NEMP1: variants seen among roughly 807,000 people sequenced by gnomAD.
NEMP1 encodes the protein nuclear envelope integral membrane protein 1.
NEMP1 carries 29 observed loss-of-function variants against 53.7 expected under a neutral mutation model. The ratio of observed to expected loss-of-function variants is 0.54; its 90% CI spans 0.40 to 0.74. NEMP1 has a LOEUF of 0.74. Among genes scored for constraint, NEMP1 ranks in the 30% least tolerant of loss-of-function variants. NEMP1 has a pLI of 0.00. For synonymous variants in NEMP1, 193 were observed against 192.9 expected, an observed-to-expected ratio of 1.00 and a Z score of 0.00; for missense variants, 477 against 528.6, an observed-to-expected ratio of 0.90 and a Z score of 0.96.
At chr12:57,071,598 C>T (rs533343437) in intron 2 of NEMP1, among the ~76,000 whole-genome samples, 68 of 152,242 alleles carry the variant, frequency 4.5e-4, no homozygotes, top group Non-Finnish European at 7.2e-4. Context: ...AGGCTGGTCT[C>T]GAACTCCTGA....
rs1457866889 is a variant in NEMP1 at position 57,056,577 on chromosome 12, TTCC to T, written c.*3299_*3301del. 2 of 152,204 alleles carry T rather than the reference TTCC, an allele frequency of 1.3e-5. No individual in the cohort carries two copies. The highest frequency in any genetic ancestry group is 1.5e-5 in the Non-Finnish European group (1 of 68,028). The allele number at this position is 152,204 out of a possible 1,614,324, so 9.4% of individuals were successfully genotyped here. ...ATACTAGAAGGACATTTAATTTCCT[TTCC>T]TCCTCCTTCCTTTCACTACTCAATT... On this transcript the variant is annotated 3_prime_UTR_variant, in exon 9 of 9. Coordinates refer to ENST00000300128, the MANE Select transcript of NEMP1 (RefSeq NM_001130963.2).
chr12:57,074,072 A>T (rs1198291312), intron 1 of NEMP1, among the ~76,000 whole-genome samples: 1 of 151,646 alleles, frequency 6.6e-6, no homozygotes, highest in East Asian at 1.9e-4. Flanking sequence ...GGGCTCAAAC[A>T]ATCCTCCCAC....
At chr12:57,083,544 T>C (rs750470429), upstream of NEMP1, among the ~76,000 whole-genome samples, 49 of 152,368 alleles carry the variant, frequency 3.2e-4, no homozygotes, top group Middle Eastern at 3.4e-3. Flanking sequence ...TTTTGAAAGA[T>C]AGTATGGTGC....
intron 4 of NEMP1, among the ~76,000 whole-genome samples, chr12:57,066,184 G>A (rs2032066672): frequency 6.6e-6 from 1 of 152,140 alleles, no homozygotes; most frequent in South Asian, 2.1e-4. Flanking sequence ...GAACCTGGGA[G>A]GCGGAGCTTG....
Position 57,058,362 on chromosome 12 carries a change from A to G in NEMP1, c.*1517T>C, listed in dbSNP as rs1188396452. 2.0e-5 allele frequency: 3 copies of G among 152,194 alleles called. No individual in the cohort carries two copies. The highest frequency in any genetic ancestry group is 4.4e-5 in the Non-Finnish European group (3 of 68,040). The allele number at this position is 152,194 out of a possible 1,614,324, so 9.4% of individuals were successfully genotyped here. ...AAAAAATCATCTGCCTTTTTCCATCATCTTGGTGAGCCAGTAAGTCTGGTG... is the reference window on the plus strand; with the variant it reads ...AAAAAATCATCTGCCTTTTTCCATCGTCTTGGTGAGCCAGTAAGTCTGGTG... On this transcript the variant is annotated 3_prime_UTR_variant, in exon 9 of 9. Coordinates refer to ENST00000300128, the MANE Select transcript of NEMP1 (RefSeq NM_001130963.2).
At chr12:57,077,116 A>C (rs1179674761) in intron 1 of NEMP1, among the ~76,000 whole-genome samples, 1 of 152,058 alleles carries the variant, frequency 6.6e-6, no homozygotes, top group East Asian at 1.9e-4. Flanking sequence ...GCGGATCACG[A>C]GGTCAGGAGA....
At position 57,063,200 on chromosome 12, in the gene NEMP1, T is replaced by C. The variant is rs199505922; in HGVS notation, c.899A>G (p.His300Arg). 75 of 1,614,104 alleles carry C rather than the reference T, an allele frequency of 4.6e-5. No homozygotes were observed. Among genetic ancestry groups the C allele is most frequent in the Non-Finnish European group, 1.2e-5 (14 of 1,180,052 alleles). ...AATGATGATAATGGCAAGGGCAATA[T>C]GTGGTATCTGGATGCCAGAATACAT... ...CFMYSGIQIP[H>R]IALAIIIIAL... The change falls in exon 7 of 9, where the codon CAT becomes CGT. Residue 300 changes from histidine to arginine, a missense_variant. Coordinates refer to ENST00000300128, the MANE Select transcript of NEMP1 (RefSeq NM_001130963.2).
Position 57,078,742 on chromosome 12 carries a change from C to T in NEMP1, c.4G>A (p.Ala2Thr). 1 of 1,611,186 alleles carries T rather than the reference C, an allele frequency of 6.2e-7. No homozygotes were observed. The highest frequency in any genetic ancestry group is 8.5e-7 in the Non-Finnish European group (1 of 1,178,052). The change falls in exon 1 of 9, where the codon GCG becomes ACG. Residue 2 changes from alanine (A) to threonine (T), a missense_variant. By Grantham distance (58) the Ala-to-Thr change is moderately conservative. Transcript: ENST00000300128. ...GAGACCGCCACTTTCATTCCTCCCG[C>T]CATGGTTGCCTCAAGCCACCTCCTC... The part of the protein sequence containing the change: M[A>T]GGMKVAVSPA...
At chr12:57,081,984 C>T (rs1444203315), upstream of NEMP1, among the ~76,000 whole-genome samples, 3 of 149,318 alleles carry the variant, frequency 2.0e-5, no homozygotes, top group East Asian at 2.0e-4. Context: ...TTTGGGAGGC[C>T]AAGGCGGGCG....
chr12:57,078,578 C>T, intron 1 of NEMP1, 41 bp downstream of exon 1: 1 of 1,587,896 alleles, frequency 6.3e-7, no homozygotes, highest in East Asian at 2.3e-5. Context: ...AAATAACCCC[C>T]TCGGCACCTG....
intron 1 of NEMP1, among the ~76,000 whole-genome samples, chr12:57,076,963 G>A (rs542970833): frequency 6.7e-6 from 1 of 149,318 alleles, no homozygotes; most frequent in East Asian, 2.0e-4. Context: ...GGCGGGGCGG[G>A]CGGGGGGTGG....
At chr12:57,067,982 G>A (rs2032171276) in intron 4 of NEMP1, among the ~76,000 whole-genome samples, 2 of 152,008 alleles carry the variant, frequency 1.3e-5, no homozygotes, top group Admixed American at 1.3e-4. Flanking sequence ...TGTTACCTAG[G>A]CTGGTCTCAA....
In NEMP1 at chr12:57,064,927, A is replaced by T. The variant is rs7315594; in HGVS notation, c.546-188T>A. ...ACCAAATATTGCAATTGCAGTAAGT[A>T]AGTCACACAAATTTTTTGGTTTCCC... On this transcript the variant is annotated intron_variant, in intron 4 of 8. Coordinates refer to ENST00000300128, the MANE Select transcript of NEMP1 (RefSeq NM_001130963.2). 6.3e-3 allele frequency among the ~76,000 whole-genome samples: 953 copies of T among 152,340 alleles called. 14 individuals carry two copies. The highest frequency in any genetic ancestry group is 0.021 in the African/African-American group (888 of 41,568).
At chr12:57,086,988 A>G (rs2033014495) in intron 1 of NEMP1, among the ~76,000 whole-genome samples, 1 of 152,186 alleles carries the variant, frequency 6.6e-6, no homozygotes, top group Non-Finnish European at 1.5e-5. Flanking sequence ...CAAAGACACA[A>G]ACACCCGGTA....
At chr12:57,079,984 A>G (rs1020483938), upstream of NEMP1, among the ~76,000 whole-genome samples, 9 of 152,096 alleles carry the variant, frequency 5.9e-5, no homozygotes, top group African/African-American at 2.2e-4. Context: ...TTATTGAGAC[A>G]AGGTCTCCTT....
At chr12:57,067,189 T>C (rs747269113) in intron 4 of NEMP1, among the ~76,000 whole-genome samples, 1 of 151,964 alleles carries the variant, frequency 6.6e-6, no homozygotes, top group Non-Finnish European at 1.5e-5. Context: ...CTGCACGTGG[T>C]GGCAGGTGCC....
chr12:57,078,903 G>T (rs2032759844), upstream of NEMP1: 1 of 746,980 alleles, frequency 1.3e-6, no homozygotes, highest in Non-Finnish European at 2.1e-6. Context: ...TATGAGTCCC[G>T]CCCCTTAGCA....
intron 1 of NEMP1, among the ~76,000 whole-genome samples, chr12:57,073,415 G>A (rs575378076): frequency 1.3e-5 from 2 of 152,126 alleles, no homozygotes; most frequent in East Asian, 1.9e-4. Flanking sequence ...TGAGGTGGGC[G>A]GATGACCTGA....
chr12:57,068,130 T>A (rs1303219609), intron 4 of NEMP1, among the ~76,000 whole-genome samples: 1 of 152,186 alleles, frequency 6.6e-6, no homozygotes, highest in Admixed American at 6.6e-5. Context: ...ATCACCAAAA[T>A]AACAACTTCC....
Sources: allele counts gnomAD v4.1 joint callset (sites outside exome capture counted in the v4.1 genomes callset), GRCh38; gene constraint gnomAD v4.1.1; transcripts MANE v1.5; gene names NCBI Gene and HGNC (gene_info 2026-07-23, HGNC 2026-07-21).